The following WT1 variants were observed in gnomAD, a reference collection of about 807,000 sequenced individuals.
The protein encoded by WT1 is WT1 transcription factor.
Under a neutral mutation model 60.8 loss-of-function variants are expected in WT1, and 8 were observed. The ratio of observed to expected loss-of-function variants is 0.13; its 90% CI spans 0.08 to 0.24. The LOEUF is 0.24. WT1 is among the 10% of genes least tolerant of loss of function. The probability of loss-of-function intolerance (pLI) is 1.00; values close to 1 mark genes in which losing one functional copy is unlikely to be tolerated. For missense variants in WT1, 568 were observed against 711.8 expected (o/e 0.80, Z 2.30); for synonymous variants, 312 against 297.1 (o/e 1.05, Z -0.52).
At chr11:32,404,706 A>G (rs1016609320) in intron 5 of WT1, among the ~76,000 whole-genome samples, 4 of 152,212 alleles carry the variant, frequency 2.6e-5, no homozygotes, top group Non-Finnish European at 4.4e-5. Flanking sequence ...CATCAAAAAT[A>G]TCAAATATCT....
intron 5 of WT1, among the ~76,000 whole-genome samples, chr11:32,407,102 A>C (rs1852336755): frequency 6.6e-6 from 1 of 151,902 alleles, no homozygotes; most frequent in Non-Finnish European, 1.5e-5. Context: ...CTGTCTCAAA[A>C]ACAAAAACAA....
rs1417997475 is a variant in WT1, at chr11:32,435,286, G to A, written c.75C>T (p.Ser25=). The change falls in exon 1 of 10, where the codon TCC becomes TCT. Residue 25 remains serine, a synonymous_variant. Transcript: ENST00000452863. ...CTGGCTGCTGTAGGCACCCAGGCCC[G>A]GAGCGGAGCGTGTGCTGAGACGCCG... The A allele has an allele frequency of 7.8e-6, 12 of 1,533,730 alleles. No homozygotes were observed. Among genetic ancestry groups the A allele is most frequent in the Non-Finnish European group, 5.2e-6 (6 of 1,146,566 alleles).
At chr11:32,428,670 G>C (rs566917019) in intron 1 of WT1, 51 bp from the exon 2 acceptor site, 12 of 1,593,054 alleles carry the variant, frequency 7.5e-6, no homozygotes, top group Non-Finnish European at 9.4e-6. Flanking sequence ...CTCGCAAGAC[G>C]GGGCAGTGGG....
intron 5 of WT1, 63 bp from the exon 6 acceptor site, chr11:32,400,107 A>C (rs1852107968): frequency 6.4e-7 from 1 of 1,570,698 alleles, no homozygotes; most frequent in Non-Finnish European, 8.7e-7. Context: ...GGAAATGCTT[A>C]TCTGCAATCA....
Position 32,389,140 on chromosome 11 carries a change from T to C in WT1, c.1487A>G (p.Lys496Arg), listed in dbSNP as rs760370132. Residue 496 changes from lysine (K) to arginine (R), a missense_variant, in exon 10 of 10, where the codon AAA (lysine) becomes AGA (arginine). By Grantham distance (26) the Lys-to-Arg change is conservative. Coordinates refer to ENST00000452863, the MANE Select transcript of WT1 (RefSeq NM_024426.6). ...TAATTCATCTGACCGGGCAAACTTT[T>C]TCTGACAACTTGGCCACCGACAGCT... 5.0e-6 allele frequency: 8 copies of C among 1,614,210 alleles called. No individual in the cohort carries two copies. In the Admixed American group the frequency reaches 5.0e-5, roughly 10 times the overall value.
intron 5 of WT1, among the ~76,000 whole-genome samples, chr11:32,406,955 C>T (rs1050346325): frequency 7.9e-5 from 12 of 151,796 alleles, no homozygotes; most frequent in African/African-American, 9.7e-5. Flanking sequence ...AAAAATTAGC[C>T]GGGTGGGGTG....
chr11:32,413,023 C>T (rs966601450), intron 5 of WT1, among the ~76,000 whole-genome samples: 4 of 152,080 alleles, frequency 2.6e-5, no homozygotes, highest in African/African-American at 9.7e-5. Context: ...AAGATGTCTC[C>T]GTGGACTTGC....
In WT1 at chr11:32,432,487, G is replaced by C. The variant is rs75515369; in HGVS notation, c.661+2213C>G. Among the ~76,000 whole-genome samples, 1,030 of 152,328 alleles carry C rather than the reference G, an allele frequency of 6.8e-3. 7 individuals carry two copies. Among genetic ancestry groups the C allele is most frequent in the African/African-American group, 0.023 (946 of 41,568 alleles). The stretch of plus-strand genomic sequence containing the variant: ...AGCTGCCCAATGAGCCTCAAGGGCT[G>C]GGTAAGATGGACCCATCTGTTTTCA... On this transcript the variant is annotated intron_variant, in intron 1 of 9. Transcript: ENST00000452863.
chr11:32,430,525 C>G (rs1211962711), intron 1 of WT1: 3 of 1,596,782 alleles, frequency 1.9e-6, no homozygotes, highest in Admixed American at 3.4e-5. Context: ...TTTCTCTAGA[C>G]GAACCCTTCT....
At chr11:32,429,618 T>TA (rs1238881781) in intron 1 of WT1, among the ~76,000 whole-genome samples, 2 of 152,168 alleles carry the variant, frequency 1.3e-5, no homozygotes, top group Admixed American at 1.3e-4. Flanking sequence ...CGGCTAAAGA[T>TA]ACGTCATTGG....
intron 1 of WT1, among the ~76,000 whole-genome samples, chr11:32,432,705 A>G (rs963194937): frequency 3.3e-5 from 5 of 152,128 alleles, no homozygotes; most frequent in African/African-American, 9.7e-5. Flanking sequence ...GATATTTTCC[A>G]GAAGTGTAAT....
rs1305856872 is a variant in WT1, at chr11:32,435,179, C to G, written c.182G>C (p.Arg61Pro). ...AGACCCGGACGCCCCGCGGCTCCTC[C>G]GGCCCTGGAGACGTTCAGCGCTGGC... The change falls in exon 1 of 10, where the codon CGG becomes CCG. Residue 61 changes from arginine (R) to proline (P), a missense_variant. Physicochemically the swap from Arg to Pro is moderately radical, Grantham distance 103 (BLOSUM62 -2). Coordinates refer to ENST00000452863, the MANE Select transcript of WT1 (RefSeq NM_024426.6). 3 of 1,522,320 alleles carry G rather than the reference C, an allele frequency of 2.0e-6. No homozygotes were observed. Among genetic ancestry groups the G allele is most frequent in the Non-Finnish European group, 2.6e-6 (3 of 1,140,592 alleles). The allele number at this position is 1,522,320 out of a possible 1,614,324, so 94.3% of individuals were successfully genotyped here. A position where few individuals can be genotyped will look rare whatever the true frequency, so the allele number is the denominator to read the frequency against.
At chr11:32,429,978 G>GAAA (rs71980595) in intron 1 of WT1, among the ~76,000 whole-genome samples, 20,001 of 90,664 alleles carry the variant, frequency 0.22, 2,439 homozygotes, top group East Asian at 0.69. Flanking sequence ...CCCCCGCCCA[G>GAAA]AAAAAAAAAA....
rs142653301 is a variant in WT1 at position 32,428,518 on chromosome 11, T to C, written c.763A>G (p.Met255Val). ...TTACCCAGCGAGCCCTGCTGGCCCA[T>C]GGGATCCTCATGCTTGAATGAGTGG... The change falls in exon 2 of 10, where the codon ATG (methionine) becomes GTG (valine). Residue 255 changes from methionine to valine, a missense_variant. Transcript: ENST00000452863. 1.9e-6 allele frequency: 3 copies of C among 1,614,012 alleles called. No individual in the cohort carries two copies. The highest frequency in any genetic ancestry group is 1.1e-5 in the South Asian group (1 of 91,084).
intron 6 of WT1, 80 bp from the exon 7 acceptor site, chr11:32,396,487 T>C (rs1851979907): frequency 6.3e-7 from 1 of 1,585,308 alleles, no homozygotes; most frequent in African/African-American, 1.3e-5. Context: ...GAGTGAGCAC[T>C]GGAGTATATC....
At chr11:32,398,578 G>A (rs1232950708) in intron 6 of WT1, among the ~76,000 whole-genome samples, 2 of 152,134 alleles carry the variant, frequency 1.3e-5, no homozygotes, top group Non-Finnish European at 2.9e-5. Context: ...CGTGAAGTAG[G>A]TATAAACAGG....
chr11:32,434,425 C>T (rs1853415920), intron 1 of WT1, among the ~76,000 whole-genome samples: 1 of 152,248 alleles, frequency 6.6e-6, no homozygotes, highest in Non-Finnish European at 1.5e-5. Flanking sequence ...CCCGGAATCT[C>T]TCGGACTCTA....
chr11:32,408,239 G>A (rs970726786), intron 5 of WT1, among the ~76,000 whole-genome samples: 4 of 150,452 alleles, frequency 2.7e-5, no homozygotes, highest in East Asian at 2.0e-4. Flanking sequence ...AATGCTGGGC[G>A]CAGTGGCTCA....
chr11:32,424,421 G>C (rs1360281805), intron 3 of WT1, among the ~76,000 whole-genome samples: 3 of 152,136 alleles, frequency 2.0e-5, no homozygotes, highest in Non-Finnish European at 4.4e-5. Flanking sequence ...TAAACTGAGT[G>C]AACCATTTAA....
Sources: allele counts gnomAD v4.1 joint callset (sites outside exome capture counted in the v4.1 genomes callset), GRCh38; gene constraint gnomAD v4.1.1; transcripts MANE v1.5; gene names NCBI Gene and HGNC (gene_info 2026-07-23, HGNC 2026-07-21).